SH3GL2: variants seen among roughly 807,000 people sequenced by gnomAD.
SH3GL2 encodes SH3 domain containing GRB2 like 2, endophilin A1.
SH3GL2 carries 24 observed loss-of-function variants against 46.0 expected under a neutral mutation model. The ratio of observed to expected loss-of-function variants is 0.52; its 90% CI spans 0.38 to 0.73. The LOEUF (loss-of-function observed/expected upper bound fraction) is 0.73. Ranked by LOEUF, SH3GL2 falls within the 30% of genes least tolerant of loss-of-function variation. SH3GL2 has a pLI of 0.00. For missense variants in SH3GL2, 413 were observed against 424.2 expected, an observed-to-expected ratio of 0.97 and a Z score of 0.23; for synonymous variants, 196 against 147.1, an observed-to-expected ratio of 1.33 and a Z score of -2.40.
At chr9:17,617,036 C>G (rs1175393940) in intron 1 of SH3GL2, among the ~76,000 whole-genome samples, 2 of 152,230 alleles carry the variant, frequency 1.3e-5, no homozygotes, top group African/African-American at 4.8e-5. Flanking sequence ...GTCTCTGTGC[C>G]TTCCTTTCTT....
At chr9:17,679,880 A>T (rs1430343650) in intron 1 of SH3GL2, among the ~76,000 whole-genome samples, 1 of 152,142 alleles carries the variant, frequency 6.6e-6, no homozygotes, top group African/African-American at 2.4e-5. Context: ...GCATCTCTTG[A>T]GATAATCATG....
chr9:17,688,471 C>T (rs1184431150), intron 1 of SH3GL2, among the ~76,000 whole-genome samples: 1 of 151,856 alleles, frequency 6.6e-6, no homozygotes, highest in Non-Finnish European at 1.5e-5. Context: ...AAATAAGACC[C>T]AGTGTGAAAA....
intron 3 of SH3GL2, among the ~76,000 whole-genome samples, chr9:17,773,580 T>C (rs1396436594): frequency 2.0e-5 from 3 of 152,110 alleles, no homozygotes; most frequent in Non-Finnish European, 4.4e-5. Context: ...TTCTCGTGAG[T>C]GGTCTTGGTA....
rs927977554 is a variant in SH3GL2 at position 17,733,684 on chromosome 9, G to A, written c.46-13382G>A. 7.9e-5 allele frequency among the ~76,000 whole-genome samples: 12 copies of A among 151,944 alleles called. No homozygotes were observed. In the South Asian group the frequency reaches 8.3e-4, roughly 11 times the overall value. ...ACACATGCACACATGTGTTTATTGC[G>A]GCACTATTCACAATAGCAAAGACTT... On this transcript the variant is annotated intron_variant, in intron 1 of 8. Transcript: ENST00000380607.
chr9:17,718,234 C>A (rs1821808209), intron 1 of SH3GL2, among the ~76,000 whole-genome samples: 1 of 152,094 alleles, frequency 6.6e-6, no homozygotes, highest in Non-Finnish European at 1.5e-5. Flanking sequence ...TTTTGTAGCA[C>A]TAGTTCATGC....
intron 2 of SH3GL2, among the ~76,000 whole-genome samples, chr9:17,759,008 C>T (rs1169414012): frequency 2.0e-5 from 3 of 152,128 alleles, no homozygotes; most frequent in African/African-American, 7.2e-5. Flanking sequence ...AGACCACTGG[C>T]TTCAGCCAAG....
intron 7 of SH3GL2, among the ~76,000 whole-genome samples, 171 bp downstream of exon 7, chr9:17,791,505 T>C (rs1482399998): frequency 6.6e-6 from 1 of 152,244 alleles, no homozygotes; most frequent in African/African-American, 2.4e-5. Flanking sequence ...GTGCTTTGTT[T>C]TACGTTGTTC....
intron 1 of SH3GL2, among the ~76,000 whole-genome samples, chr9:17,737,308 A>C (rs1320985185): frequency 6.6e-6 from 1 of 152,128 alleles, no homozygotes; most frequent in Non-Finnish European, 1.5e-5. Context: ...CTATGTAACA[A>C]ACCTGCATGT....
chr9:17,675,311 T>C lies in SH3GL2; in HGVS notation c.46-71755T>C, dbSNP rs570501039. 7.9e-4 allele frequency among the ~76,000 whole-genome samples: 121 copies of C among 152,274 alleles called. 1 individual carries two copies. The highest frequency in any genetic ancestry group is 2.7e-3 in the African/African-American group (113 of 41,566). The stretch of plus-strand genomic sequence containing the variant: ...AGGACTTAAGGGGTGAATTATCTTA[T>C]TAAATAAATAACTCAAGTATACAGG... On this transcript the variant is annotated intron_variant, in intron 1 of 8. Transcript: ENST00000380607.
chr9:17,583,989 T>C (rs1048139416), intron 1 of SH3GL2, among the ~76,000 whole-genome samples: 1 of 152,202 alleles, frequency 6.6e-6, no homozygotes, highest in African/African-American at 2.4e-5. Flanking sequence ...CTGCTGCCTT[T>C]AAAATCTTGG....
intron 1 of SH3GL2, among the ~76,000 whole-genome samples, chr9:17,643,388 C>T (rs1028165316): frequency 2.0e-5 from 3 of 152,128 alleles, no homozygotes; most frequent in Admixed American, 6.6e-5. Flanking sequence ...CTTTCTCTTG[C>T]CTTATTGCCC....
chr9:17,770,807 G>A (rs966116028), intron 3 of SH3GL2, among the ~76,000 whole-genome samples: 1 of 152,194 alleles, frequency 6.6e-6, no homozygotes, highest in African/African-American at 2.4e-5. Flanking sequence ...AACAGCCAGC[G>A]GGAAGCCAGA....
At chr9:17,628,346 C>T (rs1268026411) in intron 1 of SH3GL2, among the ~76,000 whole-genome samples, 3 of 151,904 alleles carry the variant, frequency 2.0e-5, no homozygotes, top group African/African-American at 7.3e-5. Context: ...ATCTATTTCT[C>T]AAATGCAGTG....
chr9:17,777,891 T>C (rs1823687874), intron 3 of SH3GL2, among the ~76,000 whole-genome samples: 1 of 152,070 alleles, frequency 6.6e-6, no homozygotes, highest in Non-Finnish European at 1.5e-5. Flanking sequence ...CATTCATCAC[T>C]TACCAACTCT....
chr9:17,771,442 G>T (rs764839028), intron 3 of SH3GL2, among the ~76,000 whole-genome samples: 3 of 152,122 alleles, frequency 2.0e-5, no homozygotes, highest in Admixed American at 6.6e-5. Flanking sequence ...TAACCCAGCA[G>T]TTCCTCCCTG....
intron 3 of SH3GL2, among the ~76,000 whole-genome samples, chr9:17,776,458 C>G (rs1823642757): frequency 6.6e-6 from 1 of 152,032 alleles, no homozygotes; most frequent in Non-Finnish European, 1.5e-5. Flanking sequence ...CAGGGGCTTT[C>G]CTACAAATGT....
intron 1 of SH3GL2, among the ~76,000 whole-genome samples, chr9:17,607,938 T>C (rs1818789537): frequency 6.6e-6 from 1 of 152,116 alleles, no homozygotes; most frequent in Non-Finnish European, 1.5e-5. Context: ...TCCCAAATAC[T>C]TGTGCTTGGT....
chr9:17,713,943 G>A (rs1821689228), intron 1 of SH3GL2, among the ~76,000 whole-genome samples: 1 of 151,574 alleles, frequency 6.6e-6, no homozygotes, highest in African/African-American at 2.4e-5. Flanking sequence ...ACAATTTTCT[G>A]TCCATTTGTT....
intron 1 of SH3GL2, among the ~76,000 whole-genome samples, chr9:17,678,742 T>G (rs1820683567): frequency 1.3e-5 from 2 of 152,242 alleles, no homozygotes; most frequent in Admixed American, 6.5e-5. Flanking sequence ...CTGGGTTTTC[T>G]TCTAGGGTTT....
Sources: allele counts gnomAD v4.1 joint callset (sites outside exome capture counted in the v4.1 genomes callset), GRCh38; gene constraint gnomAD v4.1.1; transcripts MANE v1.5; gene names NCBI Gene and HGNC (gene_info 2026-07-23, HGNC 2026-07-21).